TNRC6C: variants seen among roughly 807,000 people sequenced by gnomAD.
The protein encoded by TNRC6C is trinucleotide repeat-containing gene 6C protein.
Under a neutral mutation model 153.7 loss-of-function variants are expected in TNRC6C, and 20 were observed. The ratio of observed to expected loss-of-function variants is 0.13; its 90% CI spans 0.09 to 0.19. TNRC6C has a LOEUF of 0.19. Among genes scored for constraint, TNRC6C ranks in the 10% least tolerant of loss-of-function variants. The pLI, the probability that TNRC6C is intolerant of heterozygous loss-of-function variation, is 1.00. For synonymous variants in TNRC6C, 811 were observed against 841.4 expected, an observed-to-expected ratio of 0.96 and a Z score of 0.63; for missense variants, 1,987 against 2,172.0, an observed-to-expected ratio of 0.91 and a Z score of 1.69.
intron 2 of TNRC6C, among the ~76,000 whole-genome samples, chr17:78,039,939 T>C (rs1200283270): frequency 1.3e-5 from 2 of 152,220 alleles, no homozygotes; most frequent in Non-Finnish European, 2.9e-5. Context: ...GGAAGAACTT[T>C]TATTCCTTCC....
intron 2 of TNRC6C, chr17:78,040,946 A>G (rs9899282): frequency 0.096 from 14,632 of 152,072 alleles, 1,938 homozygotes; most frequent in African/African-American, 0.3. Flanking sequence ...CCGGACGCAG[A>G]CTGGCCCCGG....
chr17:78,053,961 C>T (rs900289898), intron 3 of TNRC6C, among the ~76,000 whole-genome samples: 1 of 152,156 alleles, frequency 6.6e-6, no homozygotes, highest in African/African-American at 2.4e-5. Flanking sequence ...TGTCATCAGA[C>T]AATTTCAGCA....
intron 11 of TNRC6C, among the ~76,000 whole-genome samples, chr17:78,085,721 TAACC>T (rs1314401072): frequency 1.3e-5 from 2 of 152,190 alleles, no homozygotes; most frequent in African/African-American, 4.8e-5. Context: ...GTTAGGGAGA[TAACC>T]ACGTTGTTTA....
In TNRC6C at chr17:78,027,608, C is replaced by T. The variant is rs143810609; in HGVS notation, c.-545-3908C>T. ...AGTTGTGAGTTGAAGACCCAGGACA[C>T]GCAAAGTCCCTAAGATAGGATCCAG... On this transcript the variant is annotated intron_variant, in intron 1 of 19. Coordinates refer to ENST00000301624, the Ensembl canonical transcript of TNRC6C. Among the ~76,000 whole-genome samples, 8 of 152,278 alleles carry T rather than the reference C, an allele frequency of 5.3e-5. No individual in the cohort carries two copies. The East Asian group carries it at 1.2e-3, about 22-fold the overall frequency.
chr17:78,003,979 G>A (rs1167431379), upstream of TNRC6C: 10 of 290,726 alleles, frequency 3.4e-5, no homozygotes, highest in African/African-American at 2.3e-4. Context: ...GAATGAGACA[G>A]CCGGCTACTG....
intron 1 of TNRC6C, among the ~76,000 whole-genome samples, chr17:77,976,433 T>C: frequency 6.6e-6 from 1 of 152,256 alleles, no homozygotes; most frequent in East Asian, 1.9e-4. Context: ...GTTCTTGTGA[T>C]GATCAGATTG....
intron 6 of TNRC6C, 56 bp from the exon 9 acceptor site, chr17:78,072,981 A>T: frequency 7.6e-7 from 1 of 1,320,186 alleles, no homozygotes; most frequent in Non-Finnish European, 1.1e-6. Flanking sequence ...AATTGTTTGT[A>T]ACCTTTCCTT....
At chr17:78,051,308 A>C in exon 3 of TNRC6C, 1 of 1,551,490 alleles carries the variant, frequency 6.4e-7, no homozygotes, top group Non-Finnish European at 8.7e-7. Flanking sequence ...GATAGAAACA[A>C]CCCGGTCATC....
intron 1 of TNRC6C, among the ~76,000 whole-genome samples, chr17:77,997,903 C>G (rs1279504786): frequency 6.6e-6 from 1 of 152,192 alleles, no homozygotes; most frequent in African/African-American, 2.4e-5. Context: ...ATCCACCCAC[C>G]TCGGCCTCCC....
At chr17:77,960,324 G>T (rs1325107537) in intron 1 of TNRC6C, among the ~76,000 whole-genome samples, 2 of 152,196 alleles carry the variant, frequency 1.3e-5, no homozygotes, top group East Asian at 3.8e-4. Context: ...TTAATCCATT[G>T]TGTAGCCGAG....
intron 13 of TNRC6C, among the ~76,000 whole-genome samples, chr17:78,090,788 T>C (rs972006922): frequency 2.0e-5 from 3 of 152,214 alleles, no homozygotes; most frequent in South Asian, 2.1e-4. Flanking sequence ...ATAGTTCAGT[T>C]CCTTAAAAGT....
chr17:78,101,873 C>T (rs374047816), intron 17 of TNRC6C, among the ~76,000 whole-genome samples: 3 of 151,714 alleles, frequency 2.0e-5, no homozygotes, highest in East Asian at 3.9e-4. Context: ...CCAGCATGGG[C>T]GTCATGGCCA....
At position 78,075,077 on chromosome 17, in the gene TNRC6C, C is replaced by G; in HGVS notation, c.2918-59C>G. The G allele has an allele frequency of 6.3e-7, 1 of 1,585,474 alleles. No individual in the cohort carries two copies. On this transcript the variant is annotated intron_variant, in intron 7 of 19. Coordinates refer to ENST00000301624, the Ensembl canonical transcript of TNRC6C. The surrounding 1 kb of genome is among the most constrained non-coding windows in gnomAD (Gnocchi z 4.2). ...CCTTGAGGCCTTAGCTGGTGCCTAT[C>G]TTGTGCTCAGCACTCACTTGTTTTG...
At chr17:77,965,503 C>G (rs1453623105) in intron 1 of TNRC6C, among the ~76,000 whole-genome samples, 3 of 152,228 alleles carry the variant, frequency 2.0e-5, no homozygotes, top group Non-Finnish European at 2.9e-5. Context: ...GAAGCCAGAG[C>G]TTGAGCTCTT....
intron 3 of TNRC6C, among the ~76,000 whole-genome samples, chr17:78,055,475 G>A (rs1368257986): frequency 3.3e-5 from 5 of 152,208 alleles, no homozygotes; most frequent in South Asian, 2.1e-4. Context: ...CCACAAACAC[G>A]TGGGGAATGC....
chr17:78,053,358 G>C (rs1445180225), intron 3 of TNRC6C, among the ~76,000 whole-genome samples: 1 of 152,152 alleles, frequency 6.6e-6, no homozygotes, highest in Non-Finnish European at 1.5e-5. Flanking sequence ...GGTCGGGCGT[G>C]GTGGCTCATG....
intron 1 of TNRC6C, among the ~76,000 whole-genome samples, chr17:77,968,187 C>G (rs1461487327): frequency 6.6e-6 from 1 of 152,212 alleles, no homozygotes; most frequent in Non-Finnish European, 1.5e-5. Context: ...TGCCTGCCAC[C>G]ACGCCCAGCT....
intron 1 of TNRC6C, among the ~76,000 whole-genome samples, chr17:78,020,644 T>C (rs1279732142): frequency 6.6e-6 from 1 of 152,230 alleles, no homozygotes; most frequent in Non-Finnish European, 1.5e-5. Flanking sequence ...AATAGGCTAG[T>C]TGCATCATCT....
At chr17:78,020,068 G>A (rs1020170962) in intron 1 of TNRC6C, among the ~76,000 whole-genome samples, 1 of 152,214 alleles carries the variant, frequency 6.6e-6, no homozygotes, top group Non-Finnish European at 1.5e-5. Flanking sequence ...AAAAATTACT[G>A]GCTTAAGTCA....
Sources: allele counts gnomAD v4.1 joint callset (sites outside exome capture counted in the v4.1 genomes callset), GRCh38; gene constraint gnomAD v4.1.1; non-coding constraint Gnocchi (gnomAD v3.1); transcripts MANE v1.5; gene names NCBI Gene and HGNC (gene_info 2026-07-23, HGNC 2026-07-21).